Variants in PDE1C observed in about 807,000 individuals in gnomAD.
The protein encoded by PDE1C is phosphodiesterase 1C.
In PDE1C, 62 loss-of-function variants were observed where a neutral mutation model predicts 93.1. That is an observed-to-expected ratio of 0.67 (90% confidence interval 0.54 to 0.82). The LOEUF (loss-of-function observed/expected upper bound fraction) is 0.82, where lower values mean the gene tolerates loss of function less well. PDE1C is among the 40% of genes least tolerant of loss of function. PDE1C has a pLI of 0.00. For missense variants in PDE1C, 742 were observed against 884.6 expected, an observed-to-expected ratio of 0.84 and a Z score of 2.04; for synonymous variants, 325 against 310.1, an observed-to-expected ratio of 1.05 and a Z score of -0.50.
chr7:31,639,766 G>T, the PDE1C span, among the ~76,000 whole-genome samples: 1 of 151,806 alleles, frequency 6.6e-6, no homozygotes, highest in African/African-American at 2.4e-5. Flanking sequence ...TTGAACTCCT[G>T]ACCTCGTGAT....
chr7:32,106,685 A>G (rs1315936968), intron 3 of PDE1C, among the ~76,000 whole-genome samples: 1 of 152,178 alleles, frequency 6.6e-6, no homozygotes, highest in African/African-American at 2.4e-5. Flanking sequence ...AGGAAATTTT[A>G]TTGCAATAAG....
chr7:32,257,423 G>T (rs75091478), intron 1 of PDE1C, among the ~76,000 whole-genome samples: 2 of 152,088 alleles, frequency 1.3e-5, no homozygotes, highest in African/African-American at 4.8e-5. Flanking sequence ...TCAAATCCTG[G>T]CTCCCTCATT....
chr7:32,040,277 T>C (rs1446133461), intron 2 of PDE1C, among the ~76,000 whole-genome samples: 2 of 152,234 alleles, frequency 1.3e-5, no homozygotes, highest in East Asian at 3.8e-4. Context: ...AAGTATGTTA[T>C]TCTCTTTTTA....
chr7:32,207,370 A>AAAAC (rs1805658595), intron 2 of PDE1C, among the ~76,000 whole-genome samples: 3 of 151,528 alleles, frequency 2.0e-5, no homozygotes, highest in African/African-American at 7.3e-5. Flanking sequence ...AAAAAAAAAA[A>AAAAC]AACTTATCAT....
intron 2 of PDE1C, among the ~76,000 whole-genome samples, chr7:31,997,657 C>T (rs373102630): frequency 3.3e-5 from 5 of 152,192 alleles, no homozygotes; most frequent in Non-Finnish European, 7.3e-5. Flanking sequence ...CTGTCTGTTG[C>T]TCATCAAAGA....
intron 3 of PDE1C, among the ~76,000 whole-genome samples, chr7:32,108,332 A>G (rs1584776451): frequency 6.6e-6 from 1 of 151,956 alleles, no homozygotes; most frequent in East Asian, 1.9e-4. Context: ...GGAATAAAAA[A>G]GAAGTCTTAG....
chr7:32,230,220 A>C (rs899124720), intron 1 of PDE1C, among the ~76,000 whole-genome samples: 40 of 152,184 alleles, frequency 2.6e-4, no homozygotes, highest in African/African-American at 9.2e-4. Context: ...GCGTCTGAAA[A>C]CCATAGTGAT....
chr7:32,312,511 C>T (rs1296670909), intron 1 of PDE1C, among the ~76,000 whole-genome samples: 1 of 151,774 alleles, frequency 6.6e-6, no homozygotes, highest in African/African-American at 2.4e-5. Flanking sequence ...AACTATACTA[C>T]AAGGCTACAG....
At chr7:31,803,078 C>CT (rs1786276225) in intron 16 of PDE1C, among the ~76,000 whole-genome samples, 1 of 151,618 alleles carries the variant, frequency 6.6e-6, no homozygotes, top group African/African-American at 2.4e-5. Context: ...TGTTTTTATT[C>CT]TTTTTTTCTA....
the PDE1C span, among the ~76,000 whole-genome samples, chr7:31,686,083 A>T: frequency 6.6e-6 from 1 of 152,230 alleles, no homozygotes; most frequent in Non-Finnish European, 1.5e-5. Flanking sequence ...CCTGCTCTGC[A>T]GGGAACCTCA....
intron 3 of PDE1C, among the ~76,000 whole-genome samples, chr7:32,141,200 G>A (rs564303942): frequency 2.4e-4 from 36 of 152,332 alleles, no homozygotes; most frequent in African/African-American, 8.2e-4. Flanking sequence ...GTGAATAAGA[G>A]TATGGAAAGG....
chr7:31,833,733 G>T (rs1379015350), intron 11 of PDE1C, among the ~76,000 whole-genome samples: 1 of 152,188 alleles, frequency 6.6e-6, no homozygotes, highest in African/African-American at 2.4e-5. Flanking sequence ...CATTCAAGAG[G>T]TAACTTGGGT....
At chr7:32,152,649 A>T (rs1801328901) in intron 3 of PDE1C, among the ~76,000 whole-genome samples, 1 of 152,210 alleles carries the variant, frequency 6.6e-6, no homozygotes, top group Non-Finnish European at 1.5e-5. Context: ...CCTACGATGC[A>T]GTTTAAATTA....
At chr7:32,191,502 G>C (rs984358482) in intron 2 of PDE1C, among the ~76,000 whole-genome samples, 3 of 152,072 alleles carry the variant, frequency 2.0e-5, no homozygotes, top group African/African-American at 4.8e-5. Flanking sequence ...TTAGGGGACT[G>C]GTTTTTTTCA....
intron 3 of PDE1C, among the ~76,000 whole-genome samples, chr7:32,103,702 A>G (rs1363716774): frequency 1.3e-5 from 2 of 152,246 alleles, no homozygotes; most frequent in Admixed American, 1.3e-4. Context: ...CATGCATTTA[A>G]GAAAAGCCTT....
At position 31,873,296 on chromosome 7, in the gene PDE1C, A is replaced by T. The variant is rs1257595427; in HGVS notation, c.605T>A (p.Phe202Tyr). ...TCTTTTTAAAGAGGTACTGACCTTG[A>T]AACGGCTGATCAGATCATAACGTGT... ...LLTRYDLISRFKIPISALVSF... is the reference protein window; with the variant it reads ...LLTRYDLISRYKIPISALVSF... Residue 202 changes from phenylalanine (F) to tyrosine (Y), a missense_variant, in exon 6 of 18, where the codon TTC becomes TAC. This residue lies in a region of PDE1C where 205 missense variants were observed against 295.3 expected (regional missense o/e 0.69). Transcript: ENST00000396191. The T allele has an allele frequency of 6.3e-7, 1 of 1,594,180 alleles. No homozygotes were observed. The highest frequency in any genetic ancestry group is 2.2e-5 in the East Asian group (1 of 44,646).
chr7:32,016,505 TTTC>T, intron 2 of PDE1C, among the ~76,000 whole-genome samples: 1 of 152,352 alleles, frequency 6.6e-6, no homozygotes, highest in East Asian at 1.9e-4. Flanking sequence ...AGAGGAATTT[TTTC>T]TTATCTTAAA....
intron 16 of PDE1C, among the ~76,000 whole-genome samples, chr7:31,794,061 C>CAGATAGATAGATAGATAGATAGAT (rs1562807734): frequency 7.3e-6 from 1 of 136,984 alleles, no homozygotes; most frequent in Non-Finnish European, 1.6e-5. Context: ...GACAGACAGA[C>CAGATAGATAGATAGATAGATAGAT]AGACAGACAG....
chr7:31,720,405 C>T, the PDE1C span, among the ~76,000 whole-genome samples: 71 of 152,254 alleles, frequency 4.7e-4, no homozygotes, highest in Non-Finnish European at 9.3e-4. Flanking sequence ...CCACTGCCTA[C>T]ATCGTAAGCG....
Sources: allele counts gnomAD v4.1 joint callset (sites outside exome capture counted in the v4.1 genomes callset), GRCh38; gene constraint gnomAD v4.1.1; regional missense constraint gnomAD v4.1.1; transcripts MANE v1.5; gene names NCBI Gene and HGNC (gene_info 2026-07-23, HGNC 2026-07-21).